The following SFI1 variants were observed in gnomAD, a reference collection of about 807,000 sequenced individuals.
SFI1 encodes protein SFI1 homolog.
Under a neutral mutation model 207.5 loss-of-function variants are expected in SFI1, and 195 were observed. The observed-to-expected ratio is 0.94, with a 90% CI of 0.84 to 1.06. The LOEUF is 1.06. Ranked by LOEUF, SFI1 falls within the 50% of genes least tolerant of loss-of-function variation. The probability of loss-of-function intolerance (pLI) is 0.00; values close to 1 mark genes in which losing one functional copy is unlikely to be tolerated. For synonymous variants in SFI1, 630 were observed against 598.9 expected (o/e 1.05, Z -0.76); for missense variants, 1,634 against 1,588.0 (o/e 1.03, Z -0.49).
chr22:31,517,486 A>C (rs759894887), intron 2 of SFI1, among the ~76,000 whole-genome samples: 10 of 151,800 alleles, frequency 6.6e-5, no homozygotes, highest in African/African-American at 1.9e-4. Context: ...CGGCTCAAGC[A>C]ATTCGCCTGC....
intron 2 of SFI1, among the ~76,000 whole-genome samples, chr22:31,512,585 T>C (rs1601923143): frequency 6.6e-6 from 1 of 151,726 alleles, no homozygotes; most frequent in Non-Finnish European, 1.5e-5. Context: ...TGGCACAATC[T>C]TGGCTCACTG....
chr22:31,615,096 CCCCTCCCTGACGCGG>C lies in SFI1; in HGVS notation c.3122_3136del (p.Ser1041_Pro1045del). ...GCCTAGGCATGGCTCAGCCAGCAGC[CCCCTCCCTGACGCGG>C]CCCTTCCTGGCAGAGGCCCCGACAG... On this transcript the variant is annotated inframe_deletion, in exon 29 of 33. Coordinates refer to ENST00000400288, the MANE Select transcript of SFI1 (RefSeq NM_001007467.3). 6.2e-7 allele frequency: 1 copy of C among 1,606,702 alleles called. No homozygotes were observed. Among genetic ancestry groups the C allele is most frequent in the East Asian group, 2.2e-5 (1 of 44,810 alleles).
chr22:31,521,815 G>A (rs2057303445), intron 2 of SFI1, among the ~76,000 whole-genome samples: 1 of 151,736 alleles, frequency 6.6e-6, no homozygotes, highest in South Asian at 2.1e-4. Flanking sequence ...CCAGGCTGGA[G>A]GGCAGTGGCG....
At chr22:31,499,388 G>A (rs1393420776) in intron 1 of SFI1, among the ~76,000 whole-genome samples, 2 of 151,704 alleles carry the variant, frequency 1.3e-5, no homozygotes, top group African/African-American at 4.8e-5. Context: ...TAGAGACAGG[G>A]TTTCACTGTG....
chr22:31,567,285 CT>C (rs1247194898), intron 8 of SFI1, among the ~76,000 whole-genome samples: 1 of 152,114 alleles, frequency 6.6e-6, no homozygotes, highest in Non-Finnish European at 1.5e-5. Flanking sequence ...GTCATTTCAT[CT>C]TTGAATTTGA....
rs371980021 is a variant in SFI1, at chr22:31,583,983, T to C, written c.1346+11T>C. The stretch of plus-strand genomic sequence containing the variant: ...CTGGGACCACTACAGGTAGGGACTC[T>C]GGTTTCATCCCTGGCTCTCAGGGAC... On this transcript the variant is annotated intron_variant, in intron 13 of 32. Coordinates refer to ENST00000400288, the MANE Select transcript of SFI1 (RefSeq NM_001007467.3). 3 of 1,608,240 alleles carry C rather than the reference T, an allele frequency of 1.9e-6. No individual in the cohort carries two copies. The highest frequency in any genetic ancestry group is 2.7e-5 in the African/African-American group (2 of 74,818).
At chr22:31,521,002 CAA>C (rs57346699) in intron 2 of SFI1, among the ~76,000 whole-genome samples, 10 of 47,488 alleles carry the variant, frequency 2.1e-4, no homozygotes, top group Admixed American at 5.2e-4. Context: ...GACCCTGTCT[CAA>C]AAAAAAAAAA....
In SFI1 at chr22:31,611,230, A is replaced by G. The variant is rs1352481772; in HGVS notation, c.2342A>G (p.His781Arg). 6.2e-7 allele frequency: 1 copy of G among 1,613,654 alleles called. No individual in the cohort carries two copies. Among genetic ancestry groups the G allele is most frequent in the South Asian group, 1.1e-5 (1 of 91,054 alleles). ...QRLQLERAVQ[H>R]HHRQLLLEGL... ...CTGCAGCTGGAGAGGGCAGTGCAAC[A>G]CCACCACCGGCAGCTGCTGCTGGAG... The change falls in exon 23 of 33, where the codon CAC becomes CGC. Residue 781 changes from histidine to arginine, a missense_variant. His to Arg is a conservative substitution (Grantham distance 29). Coordinates refer to ENST00000400288, the MANE Select transcript of SFI1 (RefSeq NM_001007467.3).
chr22:31,593,819 C>T (rs2146641039), intron 15 of SFI1, among the ~76,000 whole-genome samples: 1 of 148,254 alleles, frequency 6.7e-6, no homozygotes, highest in Middle Eastern at 3.5e-3. Context: ...CACAGCGAAA[C>T]CCCGTCTCCA....
At position 31,582,556 on chromosome 22, in the gene SFI1, A is replaced by C. The variant is rs550192925; in HGVS notation, c.1249-1319A>C. ...CGTGAGCCACGACACCCGGCCTATT[A>C]TATTTTTTAATTGTGGTAAAAGATA... On this transcript the variant is annotated intron_variant, in intron 12 of 32. Coordinates refer to ENST00000400288, the MANE Select transcript of SFI1 (RefSeq NM_001007467.3). Among the ~76,000 whole-genome samples the C allele has an allele frequency of 2.6e-5, 4 of 151,956 alleles. No homozygotes were observed. In the South Asian group the frequency reaches 8.3e-4, roughly 31 times the overall value.
intron 15 of SFI1, among the ~76,000 whole-genome samples, chr22:31,595,146 G>A (rs150284268): frequency 0.011 from 1,661 of 152,028 alleles, 9 homozygotes; most frequent in Middle Eastern, 0.031. Flanking sequence ...ACAGGTGTGC[G>A]CCACCACGCC....
intron 17 of SFI1, among the ~76,000 whole-genome samples, chr22:31,603,470 G>A (rs1031803236): frequency 2.6e-5 from 4 of 152,272 alleles, no homozygotes; most frequent in Admixed American, 6.5e-5. Context: ...ACTCCCTGTC[G>A]CACACTGACC....
rs760344163 is a variant in SFI1, at chr22:31,560,702, C to CT, written c.663-574dup. Among the ~76,000 whole-genome samples, 1,208 of 125,010 alleles carry CT rather than the reference C, an allele frequency of 9.7e-3. 15 individuals carry two copies. Among genetic ancestry groups the CT allele is most frequent in the African/African-American group, 0.025 (851 of 33,494 alleles). The allele number at this position is 125,010 out of a possible 152,430, so 82.0% of individuals were successfully genotyped here. ...ACAGGCGTGAGCCACCACGCCTGGC[C>CT]TTTTTTTTTTTTTTCCCGAGATGGA... On this transcript the variant is annotated intron_variant, in intron 7 of 32. Transcript: ENST00000400288.
intron 15 of SFI1, among the ~76,000 whole-genome samples, chr22:31,594,393 C>T (rs562251213): frequency 6.0e-5 from 9 of 151,076 alleles, no homozygotes; most frequent in African/African-American, 1.9e-4. Context: ...ACTAAAGATA[C>T]AAAAATTAGC....
At chr22:31,588,846 A>G (rs1443292491) in intron 14 of SFI1, among the ~76,000 whole-genome samples, 1 of 151,742 alleles carries the variant, frequency 6.6e-6, no homozygotes, top group Non-Finnish European at 1.5e-5. Context: ...AAAAAAAACA[A>G]AAACATAAAA....
chr22:31,518,157 T>G (rs569901346), intron 2 of SFI1, among the ~76,000 whole-genome samples: 2 of 152,166 alleles, frequency 1.3e-5, no homozygotes, highest in Non-Finnish European at 2.9e-5. Context: ...TGGCTGTTTT[T>G]TGTATTTTTA....
intron 29 of SFI1, chr22:31,616,513 G>T: frequency 2.2e-6 from 1 of 445,576 alleles, no homozygotes; most frequent in Non-Finnish European, 3.9e-6. Context: ...GTGGTGACAC[G>T]GGGTGCTCCC....
chr22:31,604,487 C>T (rs1019814739), intron 19 of SFI1, 83 bp downstream of exon 19: 119 of 1,223,240 alleles, frequency 9.7e-5, no homozygotes, highest in Non-Finnish European at 1.2e-4. Context: ...CTTGTTCTTC[C>T]TGTCCGTCCC....
chr22:31,528,284 C>T (rs957752684), intron 2 of SFI1, among the ~76,000 whole-genome samples: 5 of 151,770 alleles, frequency 3.3e-5, no homozygotes, highest in Admixed American at 2.0e-4. Flanking sequence ...GACACAGTGG[C>T]GAGCACCTGT....
Sources: allele counts gnomAD v4.1 joint callset (sites outside exome capture counted in the v4.1 genomes callset), GRCh38; gene constraint gnomAD v4.1.1; transcripts MANE v1.5; gene names NCBI Gene and HGNC (gene_info 2026-07-23, HGNC 2026-07-21).